The following IRAK1BP1 variants were observed in gnomAD, a reference collection of about 807,000 sequenced individuals.
The protein encoded by IRAK1BP1 is interleukin-1 receptor-associated kinase 1-binding protein 1.
In IRAK1BP1, 24 loss-of-function variants were observed where a neutral mutation model predicts 28.0. That is an observed-to-expected ratio of 0.86 (90% CI 0.62 to 1.20). The LOEUF (loss-of-function observed/expected upper bound fraction) is 1.20, where lower values mean the gene tolerates loss of function less well. IRAK1BP1 is among the 50% of genes most tolerant of loss of function. The pLI is 0.00. For missense variants in IRAK1BP1, 336 were observed against 316.7 expected (o/e 1.06, Z -0.46); for synonymous variants, 131 against 116.3 (o/e 1.13, Z -0.81).
At chr6:78,887,951 C>A (rs1451351079) in intron 2 of IRAK1BP1, among the ~76,000 whole-genome samples, 2 of 151,824 alleles carry the variant, frequency 1.3e-5, no homozygotes, top group Non-Finnish European at 2.9e-5. Flanking sequence ...ATGGAAGCAA[C>A]CCAAATGTCC....
At chr6:78,965,660 T>G in the IRAK1BP1 span, 7 of 1,068,432 alleles carry the variant, frequency 6.6e-6, no homozygotes, top group Non-Finnish European at 9.8e-6. Flanking sequence ...TCTTAAGAAA[T>G]TAACTCCATA....
chr6:78,876,288 T>C (rs576297459), intron 1 of IRAK1BP1, among the ~76,000 whole-genome samples: 1 of 152,336 alleles, frequency 6.6e-6, no homozygotes, highest in East Asian at 1.9e-4. Flanking sequence ...GTTGTAAGTT[T>C]CCTGAGGCCT....
chr6:78,928,858 A>T (rs1772964045), intron 4 of IRAK1BP1, among the ~76,000 whole-genome samples: 1 of 152,180 alleles, frequency 6.6e-6, no homozygotes, highest in African/African-American at 2.4e-5. Context: ...CCAGGGACAA[A>T]TTCCACTTGG....
At chr6:78,913,384 G>A (rs368026511) in intron 4 of IRAK1BP1, among the ~76,000 whole-genome samples, 21 of 151,854 alleles carry the variant, frequency 1.4e-4, no homozygotes, top group African/African-American at 4.3e-4. Flanking sequence ...AGTGGCTCAC[G>A]CCTGTAATCC....
intron 4 of IRAK1BP1, among the ~76,000 whole-genome samples, chr6:78,922,367 T>A (rs1424284878): frequency 6.6e-6 from 1 of 151,782 alleles, no homozygotes; most frequent in African/African-American, 2.4e-5. Context: ...GAAGAGAAGT[T>A]TAGAGAAAAA....
At chr6:78,872,136 G>A (rs1043989926) in intron 1 of IRAK1BP1, 10 of 701,090 alleles carry the variant, frequency 1.4e-5, no homozygotes, top group Non-Finnish European at 2.6e-5. Flanking sequence ...TAATTCTGAG[G>A]TATGTGTTCC....
rs1287289630 is a variant in IRAK1BP1, at chr6:78,900,065, T to A, written c.*1731T>A. The A allele has an allele frequency of 6.6e-6, 1 of 152,248 alleles. No individual in the cohort carries two copies. The highest frequency in any genetic ancestry group is 1.5e-5 in the Non-Finnish European group (1 of 68,046). 9.4% of individuals were successfully genotyped at this position (152,248 alleles called of 1,614,324 possible). A position where few individuals can be genotyped will look rare whatever the true frequency, so the allele number is the denominator to read the frequency against. On this transcript the variant is annotated 3_prime_UTR_variant, in exon 4 of 4. Transcript: ENST00000369940. ...CTTGTAACTGGATCAAGTATCAGTT[T>A]TTAAATTAGTTAAAATTAAATAAAA...
chr6:78,964,887 A>C, the IRAK1BP1 span, among the ~76,000 whole-genome samples: 1 of 152,238 alleles, frequency 6.6e-6, no homozygotes, highest in Admixed American at 6.5e-5. Context: ...TCATTATTAA[A>C]ATCTCGACAA....
At chr6:78,972,784 G>C in the IRAK1BP1 span, among the ~76,000 whole-genome samples, 1 of 152,110 alleles carries the variant, frequency 6.6e-6, no homozygotes, top group East Asian at 1.9e-4. Flanking sequence ...ATCAGCAATG[G>C]AAGATGAAAT....
chr6:78,898,124 C>T lies in IRAK1BP1; in HGVS notation c.573C>T (p.Asn191=), dbSNP rs184287759. 1.7e-4 allele frequency: 276 copies of T among 1,613,846 alleles called. 1 individual carries two copies. The highest frequency in any genetic ancestry group is 7.2e-4 in the Admixed American group (43 of 59,990). ...NAWRKAQEVC[N]LVGQTLGKPL... ...GGCGCAAAGCTCAAGAAGTCTGTAA[C>T]CTTGTTGGCCAAACCTTAGGAAAAC... Residue 191 remains asparagine, a synonymous_variant, in exon 4 of 4, where the codon AAC becomes AAT. Coordinates refer to ENST00000369940, the MANE Select transcript of IRAK1BP1 (RefSeq NM_001010844.4).
At chr6:78,880,967 T>C (rs1403838035) in intron 1 of IRAK1BP1, among the ~76,000 whole-genome samples, 1 of 152,206 alleles carries the variant, frequency 6.6e-6, no homozygotes, top group African/African-American at 2.4e-5. Flanking sequence ...GGTAGTCTTA[T>C]AGTTTCTTAT....
intron 4 of IRAK1BP1, among the ~76,000 whole-genome samples, chr6:78,913,441 T>A (rs1244518689): frequency 2.7e-5 from 4 of 150,290 alleles, no homozygotes; most frequent in Non-Finnish European, 4.4e-5. Context: ...AGGTCAGGAG[T>A]TCAAAACCAG....
At chr6:78,881,422 ATTC>A (rs1293236778) in intron 1 of IRAK1BP1, among the ~76,000 whole-genome samples, 3 of 152,182 alleles carry the variant, frequency 2.0e-5, no homozygotes, top group African/African-American at 7.2e-5. Flanking sequence ...TGAAAGAACT[ATTC>A]TTTATGGTAC....
At chr6:78,922,027 C>T (rs957617021) in intron 4 of IRAK1BP1, among the ~76,000 whole-genome samples, 6 of 152,154 alleles carry the variant, frequency 3.9e-5, no homozygotes, top group Non-Finnish European at 7.3e-5. Flanking sequence ...CTATCCTCCT[C>T]CAAAGGAACA....
chr6:78,969,689 T>C, the IRAK1BP1 span: 2 of 445,954 alleles, frequency 4.5e-6, no homozygotes, highest in Non-Finnish European at 7.8e-6. Context: ...ACCTCTGACA[T>C]AGTATCTTAC....
At chr6:78,935,707 A>C in intron 4 of IRAK1BP1, 2 of 985,250 alleles carry the variant, frequency 2.0e-6, no homozygotes. Context: ...ACTTTGCAAA[A>C]CACACAGGGC....
At chr6:78,890,424 A>G (rs1771606131) in intron 2 of IRAK1BP1, among the ~76,000 whole-genome samples, 1 of 152,132 alleles carries the variant, frequency 6.6e-6, no homozygotes, top group Non-Finnish European at 1.5e-5. Context: ...TAAAAAAAAA[A>G]AAAGTCCAAA....
At chr6:78,969,576 TTTAAC>T in the IRAK1BP1 span, among the ~76,000 whole-genome samples, 6 of 152,290 alleles carry the variant, frequency 3.9e-5, no homozygotes, top group South Asian at 2.1e-4. Context: ...TATACAAAAA[TTTAAC>T]TTAACATGTA....
chr6:78,971,904 G>C, the IRAK1BP1 span, among the ~76,000 whole-genome samples: 2 of 152,158 alleles, frequency 1.3e-5, no homozygotes, highest in Non-Finnish European at 2.9e-5. Flanking sequence ...CTGATTGCTA[G>C]CACAGCAGTC....
Sources: allele counts gnomAD v4.1 joint callset (sites outside exome capture counted in the v4.1 genomes callset), GRCh38; gene constraint gnomAD v4.1.1; transcripts MANE v1.5; gene names NCBI Gene and HGNC (gene_info 2026-07-23, HGNC 2026-07-21).